Variants in NUDT7 observed in about 807,000 individuals in gnomAD.
NUDT7 encodes the protein nudix hydrolase 7.
In NUDT7, 19 loss-of-function variants were observed where a neutral mutation model predicts 13.1. The observed-to-expected ratio is 1.45, with a 90% CI of 1.01 to 2.13. The LOEUF is 2.13. NUDT7 is among the 30% of genes most tolerant of loss of function. The probability of loss-of-function intolerance (pLI) is 0.00; values close to 1 mark genes in which losing one functional copy is unlikely to be tolerated. For synonymous variants in NUDT7, 132 were observed against 109.7 expected (o/e 1.20, Z -1.27); for missense variants, 360 against 291.7 (o/e 1.23, Z -1.71).
chr16:77,741,846 G>GAA lies in NUDT7; in HGVS notation c.620_621dup (p.Pro208AsnfsTer14), dbSNP rs528673952. The GAA allele has an allele frequency of 1.2e-6, 2 of 1,613,078 alleles. No homozygotes were observed. Among genetic ancestry groups the GAA allele is most frequent in the Admixed American group, 1.7e-5 (1 of 59,816 alleles). On this transcript the variant is annotated frameshift_variant, in exon 4 of 4. Coordinates refer to ENST00000268533, the MANE Select transcript of NUDT7 (RefSeq NM_001105663.3). LOFTEE classifies it low-confidence loss of function (END_TRUNC). Reference sequence around the variant, plus strand: ...AGTGTTGGTGGCCTTTATCATTTTGGAAAAAAAACCCACCTTTGAGGTTCA... The same window carrying GAA: ...AGTGTTGGTGGCCTTTATCATTTTGGAAAAAAAAAACCCACCTTTGAGGTTCA...
chr16:77,738,331 C>T (rs1567432519), intron 3 of NUDT7, among the ~76,000 whole-genome samples: 1 of 152,120 alleles, frequency 6.6e-6, no homozygotes, highest in Non-Finnish European at 1.5e-5. Flanking sequence ...CTGGGAGATT[C>T]CTGGGGGCCA....
intron 3 of NUDT7, 64 bp downstream of exon 3, chr16:77,736,050 G>T: frequency 6.8e-7 from 1 of 1,467,162 alleles, no homozygotes; most frequent in Middle Eastern, 1.8e-4. Context: ...ACTGTTCTCA[G>T]GATTCCACAT....
chr16:77,738,254 TC>T (rs111291373), intron 3 of NUDT7, among the ~76,000 whole-genome samples: 2,719 of 152,192 alleles, frequency 0.018, 89 homozygotes, highest in African/African-American at 0.061. Context: ...GTTCCCAAGG[TC>T]CCCAGGTGCT....
chr16:77,736,655 G>A (rs1420873304), intron 3 of NUDT7: 1 of 266,708 alleles, frequency 3.7e-6, no homozygotes, highest in East Asian at 1.1e-4. Flanking sequence ...TATAGAGATG[G>A]GGGTCTCGCT....
chr16:77,739,885 C>T (rs1044232335), intron 3 of NUDT7, among the ~76,000 whole-genome samples: 2 of 152,162 alleles, frequency 1.3e-5, no homozygotes, highest in Non-Finnish European at 2.9e-5. Flanking sequence ...GCTCCCTTGT[C>T]TCCATGTGGG....
intron 2 of NUDT7, among the ~76,000 whole-genome samples, chr16:77,734,439 T>C (rs977333619): frequency 1.3e-5 from 2 of 152,080 alleles, no homozygotes; most frequent in African/African-American, 2.4e-5. Flanking sequence ...CTGGCTAACA[T>C]GGTGAAACCC....
chr16:77,737,062 A>G (rs2014510289), intron 3 of NUDT7, among the ~76,000 whole-genome samples: 1 of 152,106 alleles, frequency 6.6e-6, no homozygotes, highest in African/African-American at 2.4e-5. Flanking sequence ...ATAGGAAATT[A>G]GACCATAGAC....
At chr16:77,730,384 G>A (rs777973508) in intron 2 of NUDT7, among the ~76,000 whole-genome samples, 4 of 152,070 alleles carry the variant, frequency 2.6e-5, no homozygotes, top group Admixed American at 1.3e-4. Context: ...TGGCATCTGT[G>A]ACTGGCTTAT....
chr16:77,734,572 G>A (rs1200679170), intron 2 of NUDT7, among the ~76,000 whole-genome samples: 2 of 152,224 alleles, frequency 1.3e-5, no homozygotes, highest in South Asian at 2.1e-4. Context: ...GCAGTGAGCC[G>A]AGTTCGCACA....
Position 77,735,886 on chromosome 16 carries a change from T to C in NUDT7, c.248T>C (p.Met83Thr), listed in dbSNP as rs751617904. ...GGAGGTAAGCGTGACCCTACAGACA[T>C]GGATGATGCAGCCACAGCTCTCCGG... is the stretch of plus-strand genomic sequence containing the variant. ...FPGGKRDPTD[M>T]DDAATALREA... The change falls in exon 3 of 4, where the codon ATG becomes ACG. Residue 83 changes from methionine to threonine, a missense_variant. Transcript: ENST00000268533. The C allele has an allele frequency of 1.9e-6, 3 of 1,613,916 alleles. No homozygotes were observed. Among genetic ancestry groups the C allele is most frequent in the African/African-American group, 1.3e-5 (1 of 74,966 alleles).
intron 2 of NUDT7, among the ~76,000 whole-genome samples, chr16:77,726,558 A>G (rs1209536397): frequency 6.6e-6 from 1 of 152,166 alleles, no homozygotes; most frequent in Admixed American, 6.5e-5. Flanking sequence ...GCACTTTGAG[A>G]GGCCAAGGTG....
In NUDT7 at chr16:77,725,631, A is replaced by G. The variant is rs779615892; in HGVS notation, c.189+47A>G. The G allele has an allele frequency of 1.9e-6, 3 of 1,563,844 alleles. No homozygotes were observed. In the Admixed American group the frequency reaches 5.5e-5, roughly 29 times the overall value. ...TGCCCTTAAACCTCAGGACATCAGA[A>G]GACCTCACGAGATTTTGTCACTTGC... On this transcript the variant is annotated intron_variant, in intron 2 of 3. Coordinates refer to ENST00000268533, the MANE Select transcript of NUDT7 (RefSeq NM_001105663.3).
Position 77,742,124 on chromosome 16 carries a change from G to C in NUDT7, c.*174G>C. ...CCTTCTATTGTCTGAAAAAGTAAAA[G>C]CCATTCAAAAATGAAAACTATGTTC... On this transcript the variant is annotated 3_prime_UTR_variant, in exon 4 of 4. Coordinates refer to ENST00000268533, the MANE Select transcript of NUDT7 (RefSeq NM_001105663.3). 10 of 1,342,410 alleles carry C rather than the reference G, an allele frequency of 7.4e-6. No homozygotes were observed. Among genetic ancestry groups the C allele is most frequent in the Non-Finnish European group, 9.5e-6 (10 of 1,048,556 alleles). The allele number at this position is 1,342,410 out of a possible 1,614,324, so 83.2% of individuals were successfully genotyped here. A position where few individuals can be genotyped will look rare whatever the true frequency, so the allele number is the denominator to read the frequency against.
chr16:77,741,633 G>A lies in NUDT7; in HGVS notation c.400G>A (p.Ala134Thr). Residue 134 changes from alanine to threonine, a missense_variant, in exon 4 of 4, where the codon GCC becomes ACC. Coordinates refer to ENST00000268533, the MANE Select transcript of NUDT7 (RefSeq NM_001105663.3). ...GGGTTTAATAGACCACAACTTCCAG[G>A]CCCAGCCGAATCCTGCTGAAGTTAA... ...FVGLIDHNFQ[A>T]QPNPAEVKDV... 1.9e-6 allele frequency: 3 copies of A among 1,613,614 alleles called. No homozygotes were observed. Among genetic ancestry groups the A allele is most frequent in the Non-Finnish European group, 2.5e-6 (3 of 1,179,964 alleles).
intron 2 of NUDT7, among the ~76,000 whole-genome samples, chr16:77,732,839 C>A (rs1255022288): frequency 6.6e-6 from 1 of 152,136 alleles, no homozygotes; most frequent in Non-Finnish European, 1.5e-5. Flanking sequence ...TTCTGTCAAG[C>A]CTGATGACTG....
intron 1 of NUDT7, among the ~76,000 whole-genome samples, chr16:77,724,620 T>C (rs1476053913): frequency 6.6e-6 from 1 of 152,184 alleles, no homozygotes; most frequent in Admixed American, 6.5e-5. Flanking sequence ...GAGCTCACTT[T>C]AATTACATCT....
rs1413065487 is a variant in NUDT7 at position 77,735,879 on chromosome 16, A to G, written c.241A>G (p.Thr81Ala). The change falls in exon 3 of 4, where the codon ACA becomes GCA. Residue 81 changes from threonine to alanine, a missense_variant. Physicochemically the swap from Thr to Ala is moderately conservative, Grantham distance 58. Coordinates refer to ENST00000268533, the MANE Select transcript of NUDT7 (RefSeq NM_001105663.3). The stretch of plus-strand genomic sequence containing the variant: ...CTTCCCTGGAGGTAAGCGTGACCCT[A>G]CAGACATGGATGATGCAGCCACAGC... ...VCFPGGKRDP[T>A]DMDDAATALR... 6.2e-7 allele frequency: 1 copy of G among 1,614,102 alleles called. No individual in the cohort carries two copies. Among genetic ancestry groups the G allele is most frequent in the Non-Finnish European group, 8.5e-7 (1 of 1,179,986 alleles).
chr16:77,725,519 G>A lies in NUDT7; in HGVS notation c.124G>A (p.Val42Ile), dbSNP rs370491163. Residue 42 changes from valine (V) to isoleucine (I), a missense_variant, in exon 2 of 4, where the codon GTC becomes ATC. Coordinates refer to ENST00000268533, the MANE Select transcript of NUDT7 (RefSeq NM_001105663.3). ...TCACTTGCCATATAACAAATACTCC[G>A]TCCTTTTGCCATTGGTGGCTAAAGA... ...YSHLPYNKYS[V>I]LLPLVAKEGK... 33 of 1,613,872 alleles carry A rather than the reference G, an allele frequency of 2.0e-5. No homozygotes were observed. The highest frequency in any genetic ancestry group is 5.0e-5 in the Admixed American group (3 of 59,976).
chr16:77,736,721 C>T lies in NUDT7; in HGVS notation c.348+735C>T, dbSNP rs192210609. On this transcript the variant is annotated intron_variant, in intron 3 of 3. Coordinates refer to ENST00000268533, the MANE Select transcript of NUDT7 (RefSeq NM_001105663.3). Reference sequence around the variant, plus strand: ...CCTCAAGTGATCCTCCCACCTCAGCCTCCCAAAGTGCTGGGATTACAGGTG... The same window carrying T: ...CCTCAAGTGATCCTCCCACCTCAGCTTCCCAAAGTGCTGGGATTACAGGTG... 1,566 of 266,346 alleles carry T rather than the reference C, an allele frequency of 5.9e-3. 47 individuals are homozygous for T. The highest frequency in any genetic ancestry group is 0.041 in the South Asian group (1,130 of 27,380). 16.5% of individuals were successfully genotyped at this position (266,346 alleles called of 1,614,324 possible).
Sources: allele counts gnomAD v4.1 joint callset (sites outside exome capture counted in the v4.1 genomes callset), GRCh38; gene constraint gnomAD v4.1.1; transcripts MANE v1.5; gene names NCBI Gene and HGNC (gene_info 2026-07-23, HGNC 2026-07-21).